PCDHA6: variants seen among roughly 807,000 people sequenced by gnomAD.
PCDHA6 encodes protocadherin alpha 6, also known as protocadherin alpha-6.
PCDHA6 carries 55 observed loss-of-function variants against 60.3 expected under a neutral mutation model. The ratio of observed to expected loss-of-function variants is 0.91; its 90% CI spans 0.73 to 1.14. The LOEUF is 1.14. Ranked by LOEUF, PCDHA6 falls within the 50% of genes most tolerant of loss-of-function variation. The pLI is 0.00. For missense variants in PCDHA6, 1,327 were observed against 1,256.5 expected, an observed-to-expected ratio of 1.06 and a Z score of -0.85; for synonymous variants, 652 against 557.9, an observed-to-expected ratio of 1.17 and a Z score of -2.38.
At position 140,993,185 on chromosome 5, in the gene PCDHA6, G is replaced by A. The variant is rs1393686590; in HGVS notation, c.2542+10622G>A. Among the ~76,000 whole-genome samples, 5 of 152,162 alleles carry A rather than the reference G, an allele frequency of 3.3e-5. No homozygotes were observed. The South Asian group carries it at 8.3e-4, about 25-fold the overall frequency. The stretch of plus-strand genomic sequence containing the variant: ...TTGCCTTTGGGAAATTTCTTTAGAG[G>A]GAAACTCACTAAAGCTAATTTTTTT... On this transcript the variant is annotated intron_variant, in intron 3 of 3. Transcript: ENST00000529310.
At chr5:140,835,997 C>G (rs2150249894) in intron 1 of PCDHA6, 18 of 1,613,302 alleles carry the variant, frequency 1.1e-5, no homozygotes, top group East Asian at 4.5e-5. Context: ...TGAGCGCGCG[C>G]GATGCGGGCG....
In PCDHA6 at chr5:140,927,334, G is replaced by A. The variant is rs201745433; in HGVS notation, c.2395-51615G>A. The A allele has an allele frequency of 4.6e-5, 74 of 1,614,180 alleles. No individual in the cohort carries two copies. Among genetic ancestry groups the A allele is most frequent in the Non-Finnish European group, 5.9e-5 (70 of 1,180,032 alleles). ...CGGAGCCCGCTTTACTCTCCCGAAT[G>A]CCCAAGATGACGACGAGGGAAGCAA... On this transcript the variant is annotated intron_variant, in intron 1 of 3. Transcript: ENST00000529310.
chr5:140,993,462 T>TCACACACACACACA (rs3836747), intron 3 of PCDHA6, among the ~76,000 whole-genome samples: 3 of 140,938 alleles, frequency 2.1e-5, no homozygotes, highest in African/African-American at 5.3e-5. Flanking sequence ...TCTTTCTTTC[T>TCACACACACACACA]CACACACACA....
intron 1 of PCDHA6, chr5:140,968,991 G>A: frequency 6.2e-7 from 1 of 1,614,208 alleles, no homozygotes; most frequent in East Asian, 2.2e-5. Context: ...ACTGCATGCT[G>A]TGGAGGCTTC....
At chr5:140,926,942 C>CT in intron 1 of PCDHA6, 1 of 1,585,854 alleles carries the variant, frequency 6.3e-7, no homozygotes, top group Non-Finnish European at 8.6e-7. Flanking sequence ...TCCTGCGGCG[C>CT]TGCAGCGGGA....
intron 3 of PCDHA6, among the ~76,000 whole-genome samples, chr5:141,007,395 C>CAAAAAAAAAAAAAAAA (rs35800918): frequency 3.2e-5 from 3 of 94,864 alleles, no homozygotes; most frequent in Non-Finnish European, 4.1e-5. Flanking sequence ...TACTAAAATA[C>CAAAAAAAAAAAAAAAA]AAAAAAAAAA....
At chr5:140,837,840 G>C (rs1775283148) in intron 1 of PCDHA6, among the ~76,000 whole-genome samples, 1 of 151,336 alleles carries the variant, frequency 6.6e-6, no homozygotes, top group African/African-American at 2.4e-5. Context: ...ATTGTGCCTG[G>C]CTAATTTTAT....
intron 1 of PCDHA6, chr5:140,969,002 T>C (rs201544118): frequency 8.1e-6 from 13 of 1,614,214 alleles, no homozygotes; most frequent in Non-Finnish European, 1.1e-5. Context: ...TGGAGGCTTC[T>C]GTGGAGTAAG....
chr5:140,929,077 A>C, intron 1 of PCDHA6: 1 of 1,614,168 alleles, frequency 6.2e-7, no homozygotes, highest in Non-Finnish European at 8.5e-7. Flanking sequence ...GAGGTATGGA[A>C]GTAAGATGGT....
Position 140,849,786 on chromosome 5 carries a change from G to T in PCDHA6, c.2394+19301G>T, listed in dbSNP as rs2150450039. 3 of 1,598,374 alleles carry T rather than the reference G, an allele frequency of 1.9e-6. No individual in the cohort carries two copies. The African/African-American group carries it at 4.0e-5, about 21-fold the overall frequency. On this transcript the variant is annotated intron_variant, in intron 1 of 3. Coordinates refer to ENST00000529310, the MANE Select transcript of PCDHA6 (RefSeq NM_018909.4). ...GCTGGTGGTTACCGCGCGGGACGGG[G>T]GCTCGCCTTCACTGTGGGCCACGGC...
rs74450843 is a variant in PCDHA6 at position 140,951,654 on chromosome 5, C to A, written c.2395-27295C>A. ...GCCCCATGATCTAATCACCTCCCAC[C>A]AGGGCCTGCCTACAAAATTGGGGAT... On this transcript the variant is annotated intron_variant, in intron 1 of 3. Coordinates refer to ENST00000529310, the MANE Select transcript of PCDHA6 (RefSeq NM_018909.4). 1.1e-4 allele frequency among the ~76,000 whole-genome samples: 16 copies of A among 152,248 alleles called. No homozygotes were observed. In the East Asian group the frequency reaches 3.1e-3, roughly 29 times the overall value.
At chr5:140,848,343 C>G (rs1581147757) in intron 1 of PCDHA6, 14 of 898,934 alleles carry the variant, frequency 1.6e-5, no homozygotes, top group Non-Finnish European at 2.1e-5. Context: ...CAGACAAATA[C>G]AGCCCTTTTC....
At chr5:140,876,044 T>G in intron 1 of PCDHA6, 2 of 1,613,884 alleles carry the variant, frequency 1.2e-6, no homozygotes, top group Non-Finnish European at 1.7e-6. Context: ...AAAAGTATAT[T>G]GCCTGAATTA....
chr5:140,872,073 T>C (rs2053472746), intron 1 of PCDHA6, among the ~76,000 whole-genome samples: 1 of 152,222 alleles, frequency 6.6e-6, no homozygotes, highest in Admixed American at 6.5e-5. Context: ...TAGCTGGGAA[T>C]GCAGTGCCAC....
intron 3 of PCDHA6, among the ~76,000 whole-genome samples, chr5:141,000,423 T>TC (rs2097932931): frequency 9.0e-5 from 6 of 66,856 alleles, no homozygotes; most frequent in African/African-American, 3.6e-4. Flanking sequence ...ATATATATAT[T>TC]TTTTTTTTTT....
At chr5:140,967,189 C>T (rs1554229286) in intron 1 of PCDHA6, 2 of 1,613,522 alleles carry the variant, frequency 1.2e-6, no homozygotes, top group Admixed American at 1.7e-5. Flanking sequence ...TATTGGACAT[C>T]AACGACAACT....
At chr5:140,870,502 A>G (rs781840750) in intron 1 of PCDHA6, 15 of 1,614,222 alleles carry the variant, frequency 9.3e-6, no homozygotes, top group Non-Finnish European at 1.2e-5. Context: ...GAAGGAGAAC[A>G]ACCCACCAGG....
At position 140,843,135 on chromosome 5, in the gene PCDHA6, C is replaced by T. The variant is rs2150353649; in HGVS notation, c.2394+12650C>T. 5 of 1,596,024 alleles carry T rather than the reference C, an allele frequency of 3.1e-6. No individual in the cohort carries two copies. The highest frequency in any genetic ancestry group is 3.4e-6 in the Non-Finnish European group (4 of 1,165,590). On this transcript the variant is annotated intron_variant, in intron 1 of 3. Transcript: ENST00000529310. ...GTGGACGCCGACTCGGGCTACAACG[C>T]GTGGCTTTCGTATGAGCTGCAGCCA...
intron 1 of PCDHA6, among the ~76,000 whole-genome samples, chr5:140,942,264 G>T (rs868983277): frequency 5.9e-5 from 9 of 152,122 alleles, no homozygotes; most frequent in Non-Finnish European, 1.2e-4. Flanking sequence ...GATATCTAAA[G>T]CTGGTAATGG....
Sources: gnomAD v4.1 joint callset for allele counts (sites outside exome capture counted in the v4.1 genomes callset) on GRCh38, gnomAD v4.1.1 for gene constraint, MANE v1.5 for transcripts, NCBI Gene and HGNC (gene_info 2026-07-23, HGNC 2026-07-21) for gene names.